The following NOVA2 variants were observed in gnomAD, a reference collection of about 807,000 sequenced individuals.
NOVA2 encodes NOVA alternative splicing regulator 2, also known as RNA-binding protein Nova-2.
NOVA2 carries 9 observed loss-of-function variants against 22.5 expected under a neutral mutation model. The ratio of observed to expected loss-of-function variants is 0.40; its 90% confidence interval spans 0.24 to 0.70. The LOEUF (loss-of-function observed/expected upper bound fraction) is 0.70. NOVA2 is among the 30% of genes least tolerant of loss of function. The probability of loss-of-function intolerance (pLI) is 0.38; values close to 1 mark genes in which losing one functional copy is unlikely to be tolerated. For missense variants in NOVA2, 383 were observed against 682.8 expected (o/e 0.56, Z 4.89); for synonymous variants, 318 against 335.2 (o/e 0.95, Z 0.56).
At chr19:45,971,182 T>C (rs184972972) in intron 1 of NOVA2, among the ~76,000 whole-genome samples, 74 of 152,284 alleles carry the variant, frequency 4.9e-4, no homozygotes, top group African/African-American at 1.7e-3. Flanking sequence ...CTCAGAGTAG[T>C]AGGTGCCAAG....
Position 45,953,815 on chromosome 19 carries a change from G to T in NOVA2, c.361C>A (p.Pro121Thr), listed in dbSNP as rs747300368. The T allele has an allele frequency of 1.2e-6, 2 of 1,614,058 alleles. No homozygotes were observed. The highest frequency in any genetic ancestry group is 1.3e-5 in the African/African-American group (1 of 74,932). Residue 121 changes from proline to threonine, a missense_variant, in exon 3 of 4, where the codon CCC (proline) becomes ACC (threonine). Around this residue, in one of 2 missense-constraint regions of NOVA2, gnomAD observed 349 missense variants for 578.1 expected, o/e 0.60. Coordinates refer to ENST00000263257, the MANE Select transcript of NOVA2 (RefSeq NM_002516.4). ...CTGTCGGGGTTCATCGTGGTTTGGG[G>T]TTGAAGGATGTTGACCACCTCAGGC... ...TKPEVVNILQ[P>T]QTTMNPDRAK...
chr19:45,957,526 C>T (rs939091435), intron 2 of NOVA2, among the ~76,000 whole-genome samples: 6 of 145,076 alleles, frequency 4.1e-5, no homozygotes, highest in African/African-American at 1.3e-4. Flanking sequence ...GCAACAACAG[C>T]GAATCTCTGT....
chr19:45,966,040 G>A (rs28559842), intron 1 of NOVA2, among the ~76,000 whole-genome samples: 5,115 of 151,936 alleles, frequency 0.034, 297 homozygotes, highest in African/African-American at 0.12. Context: ...TTTGGGGGTT[G>A]GGTTGAGAGG....
chr19:45,973,448 G>T lies in NOVA2; in HGVS notation c.-97C>A. 6.4e-6 allele frequency: 1 copy of T among 157,030 alleles called. No individual in the cohort carries two copies. The allele number at this position is 157,030 out of a possible 1,614,324, so 9.7% of individuals were successfully genotyped here. A position where few individuals can be genotyped will look rare whatever the true frequency, so the allele number is the denominator to read the frequency against. On this transcript the variant is annotated 5_prime_UTR_variant, in exon 1 of 4. Transcript: ENST00000263257. Reference sequence around the variant, plus strand: ...GCGGCGACGGCTGCTGGGGAGGCTGGGGTTGCGGCGGCGGCGGCGGCGGGG... The same window carrying T: ...GCGGCGACGGCTGCTGGGGAGGCTGTGGTTGCGGCGGCGGCGGCGGCGGGG...
rs1011853349 is a variant in NOVA2, at chr19:45,935,811, G to A, written c.*4052C>T. 6.6e-6 allele frequency: 1 copy of A among 152,262 alleles called. No individual in the cohort carries two copies. Among genetic ancestry groups the A allele is most frequent in the Non-Finnish European group, 1.5e-5 (1 of 68,066 alleles). 9.4% of individuals were successfully genotyped at this position (152,262 alleles called of 1,614,324 possible). A position where few individuals can be genotyped will look rare whatever the true frequency, so the allele number is the denominator to read the frequency against. Reference sequence around the variant, plus strand: ...GGAACAGGGAGGAGAAACAGAATGAGGGGATATTGAAGGATTTGGTGGTCC... The same window carrying A: ...GGAACAGGGAGGAGAAACAGAATGAAGGGATATTGAAGGATTTGGTGGTCC... On this transcript the variant is annotated 3_prime_UTR_variant, in exon 4 of 4. Coordinates refer to ENST00000263257, the MANE Select transcript of NOVA2 (RefSeq NM_002516.4).
Position 45,936,229 on chromosome 19 carries a change from G to A in NOVA2, c.*3634C>T, listed in dbSNP as rs1315753638. On this transcript the variant is annotated 3_prime_UTR_variant, in exon 4 of 4. Transcript: ENST00000263257. ...TACCGCCCCTTGGGCTAGCAGAGGA[G>A]GAGTTGAGCTTGTCTCCTCCTCCCC... The A allele has an allele frequency of 1.3e-5, 2 of 152,244 alleles. No individual in the cohort carries two copies. Among genetic ancestry groups the A allele is most frequent in the East Asian group, 1.9e-4 (1 of 5,204 alleles). 9.4% of individuals were successfully genotyped at this position (152,244 alleles called of 1,614,324 possible).
intron 2 of NOVA2, among the ~76,000 whole-genome samples, chr19:45,955,870 A>G (rs530963051): frequency 1.4e-4 from 22 of 152,174 alleles, no homozygotes; most frequent in Admixed American, 1.1e-3. Flanking sequence ...AAAAAAACAA[A>G]AAAAAGAAAA....
At chr19:45,941,221 G>C (rs1967752068) in intron 3 of NOVA2, among the ~76,000 whole-genome samples, 1 of 151,966 alleles carries the variant, frequency 6.6e-6, no homozygotes, top group Non-Finnish European at 1.5e-5. Flanking sequence ...GAACCCAGGA[G>C]AGGGAGGATG....
chr19:45,954,925 C>A (rs1967983058), intron 2 of NOVA2, among the ~76,000 whole-genome samples: 1 of 149,360 alleles, frequency 6.7e-6, no homozygotes, highest in Non-Finnish European at 1.5e-5. Flanking sequence ...TGATCCTAAT[C>A]TGTGTTTGTA....
rs929292874 is a variant in NOVA2, at chr19:45,935,436, C to T, written c.*4427G>A. On this transcript the variant is annotated 3_prime_UTR_variant, in exon 4 of 4. Transcript: ENST00000263257. Reference sequence around the variant, plus strand: ...ATAGCAGGGCTGGGTGTTATCACCCCAGTAAACCAGTGTCCCTGGCTCGCC... The same window carrying T: ...ATAGCAGGGCTGGGTGTTATCACCCTAGTAAACCAGTGTCCCTGGCTCGCC... 6.6e-6 allele frequency: 1 copy of T among 152,220 alleles called. No homozygotes were observed. Among genetic ancestry groups the T allele is most frequent in the Admixed American group, 6.5e-5 (1 of 15,278 alleles). 9.4% of individuals were successfully genotyped at this position (152,220 alleles called of 1,614,324 possible).
intron 2 of NOVA2, among the ~76,000 whole-genome samples, chr19:45,957,979 G>A (rs1017268309): frequency 6.6e-6 from 1 of 151,486 alleles, no homozygotes; most frequent in African/African-American, 2.4e-5. Flanking sequence ...GGGCATAGTG[G>A]CACATGCCTG....
At chr19:45,949,841 A>G (rs1967897389) in intron 3 of NOVA2, among the ~76,000 whole-genome samples, 1 of 151,022 alleles carries the variant, frequency 6.6e-6, no homozygotes, top group Admixed American at 6.6e-5. Context: ...CTCAGGTTCA[A>G]GTGATTCTCC....
chr19:45,940,846 G>C lies in NOVA2; in HGVS notation c.496C>G (p.Leu166Val). ...VMEQSGAWVQ[L>V]SQKPEGINLQ... Reference sequence around the variant, plus strand: ...TTGATGCCCTCCGGCTTCTGGGACAGCTGCACCCATGCTCCTGACTGTTCC... The same window carrying C: ...TTGATGCCCTCCGGCTTCTGGGACACCTGCACCCATGCTCCTGACTGTTCC... Residue 166 changes from leucine (L) to valine (V), a missense_variant, in exon 4 of 4, where the codon CTG becomes GTG. Transcript: ENST00000263257. 6.2e-7 allele frequency: 1 copy of C among 1,606,190 alleles called. No individual in the cohort carries two copies. The highest frequency in any genetic ancestry group is 8.5e-7 in the Non-Finnish European group (1 of 1,179,938).
At chr19:45,953,045 G>A (rs1010646823) in intron 3 of NOVA2, among the ~76,000 whole-genome samples, 3 of 152,232 alleles carry the variant, frequency 2.0e-5, no homozygotes, top group Non-Finnish European at 4.4e-5. Flanking sequence ...GGGGACGGGA[G>A]AGAAAACGGG....
intron 1 of NOVA2, among the ~76,000 whole-genome samples, chr19:45,968,880 C>T (rs964858724): frequency 1.3e-5 from 2 of 152,208 alleles, no homozygotes; most frequent in Non-Finnish European, 2.9e-5. Context: ...AGAATGTGGC[C>T]GGGCGTGCTG....
chr19:45,935,615 C>T lies in NOVA2; in HGVS notation c.*4248G>A, dbSNP rs546790073. On this transcript the variant is annotated 3_prime_UTR_variant, in exon 4 of 4. Coordinates refer to ENST00000263257, the MANE Select transcript of NOVA2 (RefSeq NM_002516.4). Reference sequence around the variant, plus strand: ...GCACTCAGTCAGCAGCCTGGACGCCCCAACTGCCATCCTCATCGCCACTCT... The same window carrying T: ...GCACTCAGTCAGCAGCCTGGACGCCTCAACTGCCATCCTCATCGCCACTCT... 2 of 152,408 alleles carry T rather than the reference C, an allele frequency of 1.3e-5. No individual in the cohort carries two copies. Among genetic ancestry groups the T allele is most frequent in the African/African-American group, 4.8e-5 (2 of 41,580 alleles). 9.4% of individuals were successfully genotyped at this position (152,408 alleles called of 1,614,324 possible). A position where few individuals can be genotyped will look rare whatever the true frequency, so the allele number is the denominator to read the frequency against.
intron 1 of NOVA2, among the ~76,000 whole-genome samples, chr19:45,969,452 A>G (rs1266444266): frequency 7.5e-6 from 1 of 133,544 alleles, no homozygotes; most frequent in Non-Finnish European, 1.6e-5. Context: ...GGTTGCAGTG[A>G]GCCATGACTG....
At chr19:45,945,458 T>C (rs767158030) in intron 3 of NOVA2, among the ~76,000 whole-genome samples, 53 of 152,162 alleles carry the variant, frequency 3.5e-4, no homozygotes, top group Non-Finnish European at 6.9e-4. Flanking sequence ...TCTCTTTTTT[T>C]AAATAGGGTC....
chr19:45,973,280 G>T lies in NOVA2; in HGVS notation c.72C>A (p.Arg24=), dbSNP rs1160549495. 1.4e-6 allele frequency: 2 copies of T among 1,467,206 alleles called. No individual in the cohort carries two copies. The highest frequency in any genetic ancestry group is 4.5e-5 in the Admixed American group (2 of 43,972). 90.9% of individuals were successfully genotyped at this position (1,467,206 alleles called of 1,614,324 possible). A position where few individuals can be genotyped will look rare whatever the true frequency, so the allele number is the denominator to read the frequency against. Residue 24 remains arginine, a synonymous_variant, in exon 1 of 4, where the codon CGC becomes CGA. Transcript: ENST00000263257. ...GCCCTTTCTCACCTCCCGTGTTGCT[G>T]CGCTTGGTGCAGACCACCTCGGGGG... The part of the protein sequence containing the change: ...ETPPEVVCTK[R]SNTGEEGEYF...
Sources: gnomAD v4.1 joint callset for allele counts (sites outside exome capture counted in the v4.1 genomes callset) on GRCh38, gnomAD v4.1.1 for gene constraint, gnomAD v4.1.1 regional missense constraint, MANE v1.5 for transcripts, NCBI Gene and HGNC (gene_info 2026-07-23, HGNC 2026-07-21) for gene names.